The following PROM1 variants were observed in gnomAD, a reference collection of about 807,000 sequenced individuals.
PROM1 encodes prominin 1.
A neutral mutation model predicts 116.9 loss-of-function variants in PROM1; 105 were observed. The observed-to-expected ratio is 0.90, with a 90% CI of 0.77 to 1.06. The LOEUF is 1.06. Among genes scored for constraint, PROM1 ranks in the 50% least tolerant of loss-of-function variants. The pLI, the probability that PROM1 is intolerant of heterozygous loss-of-function variation, is 0.00. For missense variants in PROM1, 1,122 were observed against 1,045.2 expected (o/e 1.07, Z -1.01); for synonymous variants, 393 against 387.0 (o/e 1.02, Z -0.18).
At chr4:16,062,732 G>A (rs1333676451) in intron 2 of PROM1, among the ~76,000 whole-genome samples, 2 of 152,122 alleles carry the variant, frequency 1.3e-5, no homozygotes, top group Non-Finnish European at 2.9e-5. Context: ...AACAATTAAC[G>A]CCTAACAAAA....
At chr4:16,005,492 T>G (rs893667333) in intron 13 of PROM1, among the ~76,000 whole-genome samples, 8 of 127,564 alleles carry the variant, frequency 6.3e-5, no homozygotes, top group African/African-American at 2.4e-4. Flanking sequence ...TTTTTGTTTG[T>G]TTGGTGTGTG....
At chr4:15,991,503 G>C (rs1720975874) in intron 17 of PROM1, among the ~76,000 whole-genome samples, 1 of 151,842 alleles carries the variant, frequency 6.6e-6, no homozygotes, top group African/African-American at 2.4e-5. Flanking sequence ...CTATGAAAAG[G>C]AATGAAGTGC....
At chr4:16,072,596 G>C (rs1464473155) in intron 2 of PROM1, among the ~76,000 whole-genome samples, 1 of 152,184 alleles carries the variant, frequency 6.6e-6, no homozygotes, top group Non-Finnish European at 1.5e-5. Context: ...GTTTAACTTT[G>C]AAACAAAGAC....
At chr4:16,049,080 C>CTGT in intron 2 of PROM1, among the ~76,000 whole-genome samples, 1 of 152,310 alleles carries the variant, frequency 6.6e-6, no homozygotes, top group Middle Eastern at 3.4e-3. Flanking sequence ...CCTGTGCTGC[C>CTGT]GCCCCTGGAG....
intron 22 of PROM1, 103 bp from the exon 23 acceptor site, chr4:15,984,458 C>T: frequency 1.2e-6 from 1 of 821,272 alleles, no homozygotes; most frequent in Non-Finnish European, 1.9e-6. Flanking sequence ...AAAAGGATCT[C>T]CATGTCCTCT....
chr4:16,073,714 ATAC>A (rs1183617775), intron 2 of PROM1, among the ~76,000 whole-genome samples: 5 of 152,210 alleles, frequency 3.3e-5, no homozygotes, highest in Non-Finnish European at 5.9e-5. Context: ...AACTAGGCTA[ATAC>A]CCTCAGATTA....
intron 8 of PROM1, among the ~76,000 whole-genome samples, chr4:16,022,818 GC>G: frequency 1.3e-5 from 2 of 152,184 alleles, no homozygotes; most frequent in Middle Eastern, 3.4e-3. Flanking sequence ...TATATTTCTT[GC>G]TTCTAAGTTT....
chr4:16,077,483 A>C (rs1247311882), intron 1 of PROM1, among the ~76,000 whole-genome samples: 1 of 152,178 alleles, frequency 6.6e-6, no homozygotes, highest in Non-Finnish European at 1.5e-5. Flanking sequence ...CTCAGAGGCC[A>C]GGATGGATCC....
chr4:16,080,311 G>C (rs1348189963), intron 1 of PROM1, among the ~76,000 whole-genome samples: 1 of 151,866 alleles, frequency 6.6e-6, no homozygotes, highest in Non-Finnish European at 1.5e-5. Context: ...ACGAGGTCAG[G>C]AGATCGAGAC....
chr4:16,040,653 C>T (rs900636788), intron 2 of PROM1, among the ~76,000 whole-genome samples: 1 of 152,188 alleles, frequency 6.6e-6, no homozygotes, highest in Admixed American at 6.5e-5. Flanking sequence ...ATAACTGCTA[C>T]GAACATGCTC....
chr4:15,992,363 T>C lies in PROM1; in HGVS notation c.1796A>G (p.Glu599Gly). ...EHTGSISSELESLKVNLNIFL... is the reference protein window; with the variant it reads ...EHTGSISSELGSLKVNLNIFL... ...GATATTAAGATTTACCTTCAGACTT[T>C]CCAATTCACTGCTTATGCTTCCAGT... Residue 599 changes from glutamate (E) to glycine (G), a missense_variant, in exon 17 of 28, where the codon GAA (glutamate) becomes GGA (glycine). Transcript: ENST00000447510. 5 of 1,613,840 alleles carry C rather than the reference T, an allele frequency of 3.1e-6. No homozygotes were observed. The highest frequency in any genetic ancestry group is 4.2e-6 in the Non-Finnish European group (5 of 1,179,814).
intron 2 of PROM1, chr4:16,055,491 G>A (rs759365749): frequency 4.4e-5 from 20 of 453,916 alleles, no homozygotes; most frequent in Non-Finnish European, 7.1e-5. Flanking sequence ...ATTTCTGATC[G>A]GAAGATCTCC....
rs747762526 is a variant in PROM1, at chr4:16,075,924, A to G, written c.-18T>C. The G allele has an allele frequency of 6.3e-7, 1 of 1,591,548 alleles. No individual in the cohort carries two copies. The highest frequency in any genetic ancestry group is 8.6e-7 in the Non-Finnish European group (1 of 1,167,168). On this transcript the variant is annotated 5_prime_UTR_variant, in exon 2 of 28. Coordinates refer to ENST00000447510, the MANE Select transcript of PROM1 (RefSeq NM_006017.3). The stretch of plus-strand genomic sequence containing the variant: ...AGGGCCATAGCTAGCAAGATCCTCC[A>G]AACATGAGGTAGAACTTGGTGCCTC...
chr4:15,995,345 AAGAAGAAGG>A (rs1560433986), intron 15 of PROM1, among the ~76,000 whole-genome samples: 46 of 145,098 alleles, frequency 3.2e-4, no homozygotes, highest in Admixed American at 2.5e-3. Context: ...GAAGACGAAG[AAGAAGAAGG>A]AGGAGGAGGA....
At chr4:16,051,415 C>A (rs1432227223) in intron 2 of PROM1, among the ~76,000 whole-genome samples, 1 of 152,244 alleles carries the variant, frequency 6.6e-6, no homozygotes, top group African/African-American at 2.4e-5. Flanking sequence ...TTATCACTAA[C>A]AACCTTTTGA....
intron 2 of PROM1, among the ~76,000 whole-genome samples, chr4:16,073,514 AAG>A (rs1366192486): frequency 6.6e-6 from 1 of 152,190 alleles, no homozygotes; most frequent in Non-Finnish European, 1.5e-5. Context: ...AACTAGGTGA[AAG>A]AATACAAATA....
intron 2 of PROM1, among the ~76,000 whole-genome samples, chr4:16,041,095 A>G (rs568791542): frequency 6.6e-6 from 1 of 152,342 alleles, no homozygotes; most frequent in South Asian, 2.1e-4. Flanking sequence ...CAGGGTGTCC[A>G]TGAGGTCAAA....
chr4:16,043,065 G>T (rs1735709126), intron 2 of PROM1, among the ~76,000 whole-genome samples: 1 of 152,190 alleles, frequency 6.6e-6, no homozygotes, highest in Non-Finnish European at 1.5e-5. Context: ...ACAAATATAT[G>T]TTAAGGTGTT....
intron 9 of PROM1, among the ~76,000 whole-genome samples, chr4:16,017,407 C>G (rs1005586848): frequency 6.6e-6 from 1 of 152,104 alleles, no homozygotes; most frequent in Middle Eastern, 3.2e-3. Context: ...AAAAACTGTT[C>G]AATCAAAAAT....
Sources: gnomAD v4.1 joint callset for allele counts (sites outside exome capture counted in the v4.1 genomes callset) on GRCh38, gnomAD v4.1.1 for gene constraint, MANE v1.5 for transcripts, NCBI Gene and HGNC (gene_info 2026-07-23, HGNC 2026-07-21) for gene names.